Variants in PTK2 observed in about 807,000 individuals in gnomAD.
PTK2 encodes protein tyrosine kinase 2, also known as focal adhesion kinase 1.
PTK2 carries 45 observed loss-of-function variants against 150.1 expected under a neutral mutation model. That is an observed-to-expected ratio of 0.30 (90% CI 0.24 to 0.38). PTK2 has a LOEUF of 0.38. Ranked by LOEUF, PTK2 falls within the 10% of genes least tolerant of loss-of-function variation. PTK2 has a pLI of 1.00. For synonymous variants in PTK2, 432 were observed against 449.2 expected (o/e 0.96, Z 0.48); for missense variants, 919 against 1,307.3 (o/e 0.70, Z 4.58).
intron 4 of PTK2, among the ~76,000 whole-genome samples, chr8:140,872,335 A>G (rs533810467): frequency 6.6e-6 from 1 of 152,244 alleles, no homozygotes; most frequent in African/African-American, 2.4e-5. Context: ...GTGAGCCACC[A>G]CGCCTGGCCC....
chr8:140,786,659 T>C (rs938755158), intron 14 of PTK2, among the ~76,000 whole-genome samples: 4 of 151,876 alleles, frequency 2.6e-5, no homozygotes, highest in Non-Finnish European at 4.4e-5. Context: ...AAAAGAAATA[T>C]ACCACACTTG....
At chr8:140,996,197 C>G (rs1005393449) in intron 1 of PTK2, among the ~76,000 whole-genome samples, 1 of 152,228 alleles carries the variant, frequency 6.6e-6, no homozygotes, top group Non-Finnish European at 1.5e-5. Flanking sequence ...CAAGGCCTAA[C>G]AAGGCCTAAT....
intron 8 of PTK2, among the ~76,000 whole-genome samples, chr8:140,827,682 C>T (rs2100112655): frequency 6.6e-6 from 1 of 152,136 alleles, no homozygotes; most frequent in Non-Finnish European, 1.5e-5. Context: ...CAGAAAGTGT[C>T]TCCCCTTATT....
At chr8:140,975,410 CAT>C (rs1034393888) in intron 1 of PTK2, among the ~76,000 whole-genome samples, 3 of 152,190 alleles carry the variant, frequency 2.0e-5, no homozygotes, top group Admixed American at 6.5e-5. Flanking sequence ...TATTTCTCCA[CAT>C]GTGATAAAAA....
intron 7 of PTK2, among the ~76,000 whole-genome samples, chr8:140,841,123 A>G (rs1275845762): frequency 6.6e-6 from 1 of 152,186 alleles, no homozygotes; most frequent in African/African-American, 2.4e-5. Context: ...TCATTATCAC[A>G]GATGGGTATG....
At chr8:140,804,228 C>CT (rs11449247) in intron 10 of PTK2, among the ~76,000 whole-genome samples, 84,024 of 147,114 alleles carry the variant, frequency 0.57, 25,126 homozygotes, top group African/African-American at 0.76. Context: ...TTGGCTTCTT[C>CT]TTTTTTTTTT....
intron 16 of PTK2, among the ~76,000 whole-genome samples, chr8:140,754,283 T>C (rs1195033194): frequency 6.6e-6 from 1 of 152,242 alleles, no homozygotes; most frequent in Non-Finnish European, 1.5e-5. Flanking sequence ...ATACCCTATC[T>C]ACTAAATGTT....
At chr8:140,910,881 A>G (rs1187573656) in intron 2 of PTK2, among the ~76,000 whole-genome samples, 1 of 105,494 alleles carries the variant, frequency 9.5e-6, no homozygotes, top group African/African-American at 3.3e-5. Context: ...CCACTTCATA[A>G]TTATAGGTTT....
At chr8:140,969,499 C>T (rs2100186486) in intron 1 of PTK2, among the ~76,000 whole-genome samples, 1 of 152,240 alleles carries the variant, frequency 6.6e-6, no homozygotes, top group Admixed American at 6.5e-5. Flanking sequence ...ATGGTCAATA[C>T]TTAGATATTA....
chr8:140,942,127 C>T (rs2100176043), intron 1 of PTK2, among the ~76,000 whole-genome samples: 1 of 152,160 alleles, frequency 6.6e-6, no homozygotes, highest in African/African-American at 2.4e-5. Flanking sequence ...GATCCTCCCA[C>T]CTCAGCCTCC....
chr8:140,800,024 CTT>C (rs1296386090), intron 12 of PTK2, among the ~76,000 whole-genome samples: 1 of 152,130 alleles, frequency 6.6e-6, no homozygotes, highest in Non-Finnish European at 1.5e-5. Flanking sequence ...AACATCATGA[CTT>C]AGACTGTACT....
intron 14 of PTK2, among the ~76,000 whole-genome samples, chr8:140,766,806 C>T (rs928405294): frequency 1.3e-5 from 2 of 152,230 alleles, no homozygotes; most frequent in Admixed American, 1.3e-4. Flanking sequence ...GGGAAAACTG[C>T]TTGAGCTTTG....
chr8:140,706,069 A>G, intron 24 of PTK2, 50 bp downstream of exon 27: 1 of 1,444,102 alleles, frequency 6.9e-7, no homozygotes, highest in East Asian at 2.3e-5. Flanking sequence ...CTACCCCAAA[A>G]GCGCTAAATA....
At chr8:140,735,179 G>T in intron 22 of PTK2, 72 bp downstream of exon 25, 1 of 1,402,368 alleles carries the variant, frequency 7.1e-7, no homozygotes, top group Non-Finnish European at 1.0e-6. Context: ...ACCTTAAAAT[G>T]CTATTACTGC....
chr8:140,840,370 A>G (rs1307164330), intron 7 of PTK2, among the ~76,000 whole-genome samples: 3 of 152,242 alleles, frequency 2.0e-5, no homozygotes, highest in African/African-American at 4.8e-5. Flanking sequence ...AAGAAATAAA[A>G]TCATATACAT....
intron 7 of PTK2, among the ~76,000 whole-genome samples, chr8:140,842,210 A>C (rs1273068808): frequency 2.0e-5 from 3 of 152,054 alleles, no homozygotes; most frequent in Non-Finnish European, 4.4e-5. Context: ...CTTATTTGAC[A>C]CTGTAGTTTC....
intron 14 of PTK2, among the ~76,000 whole-genome samples, chr8:140,788,452 G>A (rs887183729): frequency 1.1e-4 from 17 of 152,146 alleles, no homozygotes; most frequent in African/African-American, 3.6e-4. Flanking sequence ...GGGAGGCCGA[G>A]GCAGGCGGAT....
At chr8:140,953,891 T>A (rs1362839302) in intron 1 of PTK2, among the ~76,000 whole-genome samples, 1 of 151,960 alleles carries the variant, frequency 6.6e-6, no homozygotes, top group Non-Finnish European at 1.5e-5. Flanking sequence ...GATCCAGGCA[T>A]GCATTACCAC....
At chr8:140,944,958 G>A (rs1255401250) in intron 1 of PTK2, among the ~76,000 whole-genome samples, 1 of 152,010 alleles carries the variant, frequency 6.6e-6, no homozygotes. Flanking sequence ...ATATAGCTAC[G>A]CCATATAGAC....
Sources: allele counts gnomAD v4.1 joint callset (sites outside exome capture counted in the v4.1 genomes callset), GRCh38; gene constraint gnomAD v4.1.1; transcripts MANE v1.5; gene names NCBI Gene and HGNC (gene_info 2026-07-23, HGNC 2026-07-21).